Variants in DOCK2 observed in about 807,000 individuals in gnomAD.
DOCK2 encodes dedicator of cytokinesis 2.
DOCK2 carries 87 observed loss-of-function variants against 248.9 expected under a neutral mutation model. That is an observed-to-expected ratio of 0.35 (90% CI 0.29 to 0.42). DOCK2 has a LOEUF of 0.42. Among genes scored for constraint, DOCK2 ranks in the 10% least tolerant of loss-of-function variants. The pLI is 1.00. For missense variants in DOCK2, 1,747 were observed against 2,300.2 expected (o/e 0.76, Z 4.92); for synonymous variants, 805 against 821.6 (o/e 0.98, Z 0.35).
intron 25 of DOCK2, among the ~76,000 whole-genome samples, chr5:169,792,507 T>G (rs1467559010): frequency 1.3e-5 from 2 of 151,976 alleles, no homozygotes; most frequent in African/African-American, 4.8e-5. Context: ...GATGAGCGTC[T>G]TGTTATGTTG....
chr5:169,882,952 G>A (rs967535325), intron 27 of DOCK2: 3 of 1,551,706 alleles, frequency 1.9e-6, no homozygotes, highest in African/African-American at 2.7e-5. Context: ...CTGGCTGTGG[G>A]AGCCTTGTGA....
chr5:169,910,709 A>G (rs1774548698), intron 27 of DOCK2, among the ~76,000 whole-genome samples: 1 of 152,240 alleles, frequency 6.6e-6, no homozygotes, highest in South Asian at 2.1e-4. Flanking sequence ...TCAGGGAAAC[A>G]GAGAGGCAGT....
intron 27 of DOCK2, among the ~76,000 whole-genome samples, chr5:169,964,372 C>T (rs540626011): frequency 6.6e-6 from 1 of 152,266 alleles, no homozygotes; most frequent in African/African-American, 2.4e-5. Flanking sequence ...CTTGGCCTGT[C>T]ATTGGGAAGA....
intron 26 of DOCK2, among the ~76,000 whole-genome samples, chr5:169,820,582 C>A (rs1445827520): frequency 1.3e-5 from 2 of 152,094 alleles, no homozygotes; most frequent in Non-Finnish European, 2.9e-5. Flanking sequence ...GGAAAACTAA[C>A]AAACAGAATG....
At chr5:169,698,515 G>A (rs931174420) in intron 11 of DOCK2, 66 bp downstream of exon 11, 1 of 1,558,058 alleles carries the variant, frequency 6.4e-7, no homozygotes, top group Non-Finnish European at 8.8e-7. Flanking sequence ...GGCTGCTGGA[G>A]CTCAGAGGGT....
intron 27 of DOCK2, among the ~76,000 whole-genome samples, chr5:169,935,993 C>T (rs1246486445): frequency 3.3e-5 from 5 of 152,130 alleles, no homozygotes; most frequent in African/African-American, 4.8e-5. Flanking sequence ...AGGAAGTTAA[C>T]ATAAATTTTT....
At chr5:170,071,744 T>G (rs12654453) in intron 46 of DOCK2, among the ~76,000 whole-genome samples, 37,080 of 152,098 alleles carry the variant, frequency 0.24, 4,962 homozygotes, top group East Asian at 0.6. Flanking sequence ...ACTGTTCTGT[T>G]TTTATAGTAA....
chr5:169,727,135 C>T (rs1012920973), intron 22 of DOCK2, among the ~76,000 whole-genome samples: 2 of 139,390 alleles, frequency 1.4e-5, no homozygotes, highest in East Asian at 4.5e-4. Flanking sequence ...GAAAGAGACT[C>T]TCTAATTCTA....
Position 170,055,377 on chromosome 5 carries a change from A to G in DOCK2, c.4286A>G (p.Gln1429Arg). The G allele has an allele frequency of 6.2e-7, 1 of 1,614,048 alleles. No individual in the cohort carries two copies. Among genetic ancestry groups the G allele is most frequent in the Admixed American group, 1.7e-5 (1 of 60,028 alleles). Reference protein sequence around the residue: ...PRFKNKPVPDQIINFYKSNYV... With the variant: ...PRFKNKPVPDRIINFYKSNYV... The stretch of plus-strand genomic sequence containing the variant: ...TTCAAGAATAAGCCAGTGCCTGACC[A>G]GATTATAAAGTAAGACTCGTTGTCC... The change falls in exon 42 of 52, where the codon CAG becomes CGG. Residue 1429 changes from glutamine to arginine, a missense_variant. By Grantham distance (43) the Gln-to-Arg change is conservative. Transcript: ENST00000520908.
At chr5:170,030,190 G>A (rs1172057314) in intron 34 of DOCK2, among the ~76,000 whole-genome samples, 2 of 152,194 alleles carry the variant, frequency 1.3e-5, no homozygotes, top group East Asian at 1.9e-4. Flanking sequence ...CAGATGATCA[G>A]CAGGGTTTTC....
chr5:169,815,342 C>T (rs1767998622), intron 26 of DOCK2, among the ~76,000 whole-genome samples: 1 of 152,224 alleles, frequency 6.6e-6, no homozygotes, highest in African/African-American at 2.4e-5. Flanking sequence ...GTTCCATCAG[C>T]ATCAGCTAGA....
chr5:169,936,654 A>G (rs976328453), intron 27 of DOCK2, among the ~76,000 whole-genome samples: 4 of 143,822 alleles, frequency 2.8e-5, no homozygotes, highest in Non-Finnish European at 4.5e-5. Flanking sequence ...CTACTGATCC[A>G]TTACAGAATC....
chr5:170,049,861 A>T (rs904885962), intron 40 of DOCK2, among the ~76,000 whole-genome samples: 1 of 152,232 alleles, frequency 6.6e-6, no homozygotes, highest in Non-Finnish European at 1.5e-5. Context: ...TGATGAGGAT[A>T]TGAATGCTGA....
chr5:170,057,731 A>G (rs1757183788), intron 44 of DOCK2, 65 bp downstream of exon 44: 1 of 1,411,266 alleles, frequency 7.1e-7, no homozygotes, highest in South Asian at 1.4e-5. Context: ...GCCAGTCTCC[A>G]AAGGCCCCTT....
intron 1 of DOCK2, among the ~76,000 whole-genome samples, chr5:169,643,980 G>C (rs1430742086): frequency 6.6e-6 from 1 of 152,198 alleles, no homozygotes; most frequent in Non-Finnish European, 1.5e-5. Flanking sequence ...TTCCCTGGCG[G>C]TGGCAGTCAG....
chr5:170,061,687 G>T (rs536004300), intron 44 of DOCK2, among the ~76,000 whole-genome samples: 3 of 152,198 alleles, frequency 2.0e-5, no homozygotes, highest in Non-Finnish European at 4.4e-5. Flanking sequence ...CTATAATGAG[G>T]CTAACACTTT....
chr5:169,995,186 G>A (rs192065488), intron 29 of DOCK2, among the ~76,000 whole-genome samples: 14 of 151,888 alleles, frequency 9.2e-5, no homozygotes, highest in African/African-American at 3.4e-4. Flanking sequence ...GCACCACAAC[G>A]CCCGGCTAAT....
intron 10 of DOCK2, among the ~76,000 whole-genome samples, chr5:169,698,076 C>G (rs1472146064): frequency 6.6e-6 from 1 of 152,100 alleles, no homozygotes; most frequent in Non-Finnish European, 1.5e-5. Flanking sequence ...TTGCTGAATT[C>G]CACAGCCACG....
rs1756260891 is a variant in DOCK2 at position 170,034,651 on chromosome 5, T to G, written c.3624+96T>G. Reference sequence around the variant, plus strand: ...ACGATTGTTCTTCATAGGGAAGCAGTGCTTAAGGGCTTTGGAAAGCAGACA... The same window carrying G: ...ACGATTGTTCTTCATAGGGAAGCAGGGCTTAAGGGCTTTGGAAAGCAGACA... On this transcript the variant is annotated intron_variant, in intron 35 of 51. Transcript: ENST00000520908. The G allele has an allele frequency of 2.0e-6, 3 of 1,493,006 alleles. No homozygotes were observed. The Admixed American group carries it at 6.6e-5, about 33-fold the overall frequency. 92.5% of individuals were successfully genotyped at this position (1,493,006 alleles called of 1,614,324 possible). A position where few individuals can be genotyped will look rare whatever the true frequency, so the allele number is the denominator to read the frequency against.
Sources: gnomAD v4.1 joint callset for allele counts (sites outside exome capture counted in the v4.1 genomes callset) on GRCh38, gnomAD v4.1.1 for gene constraint, MANE v1.5 for transcripts, NCBI Gene and HGNC (gene_info 2026-07-23, HGNC 2026-07-21) for gene names.